Variants in PIWIL4 observed in about 807,000 individuals in gnomAD.
PIWIL4 encodes piwi like RNA-mediated gene silencing 4.
Under a neutral mutation model 100.9 loss-of-function variants are expected in PIWIL4, and 50 were observed. The ratio of observed to expected loss-of-function variants is 0.50; its 90% confidence interval spans 0.39 to 0.63. PIWIL4 has a LOEUF of 0.63. PIWIL4 is among the 20% of genes least tolerant of loss of function. The pLI is 0.00. For synonymous variants in PIWIL4, 342 were observed against 367.5 expected, an observed-to-expected ratio of 0.93 and a Z score of 0.79; for missense variants, 887 against 1,043.3, an observed-to-expected ratio of 0.85 and a Z score of 2.06.
rs149372122 is a variant in PIWIL4, at chr11:94,589,192, G to A, written c.986G>A (p.Arg329Gln). ...AAGCCCACACACACCTTTCAGAAGC[G>A]GGATGGCACCGAGATCACCTATGTG... ...SVKPTHTFQK[R>Q]DGTEITYVDY... The change falls in exon 8 of 20, where the codon CGG becomes CAG. Residue 329 changes from arginine (R) to glutamine (Q), a missense_variant. Arg to Gln is a conservative substitution (Grantham distance 43). Around this residue, in one of 2 missense-constraint regions of PIWIL4, gnomAD observed 741 missense variants for 930.0 expected, o/e 0.80. Coordinates refer to ENST00000299001, the MANE Select transcript of PIWIL4 (RefSeq NM_152431.3). The A allele has an allele frequency of 2.3e-3, 3,731 of 1,611,674 alleles. 21 individuals are homozygous for A. The Middle Eastern group carries it at 0.03, about 13-fold the overall frequency.
chr11:94,604,208 C>A, intron 13 of PIWIL4, 152 bp downstream of exon 13: 1 of 460,388 alleles, frequency 2.2e-6, no homozygotes, highest in Non-Finnish European at 3.8e-6. Context: ...GTATTTTAAT[C>A]AATATTTTAT....
chr11:94,568,601 G>GT (rs1327284538), intron 1 of PIWIL4, 129 bp from the exon 2 acceptor site: 4 of 671,350 alleles, frequency 6.0e-6, no homozygotes, highest in Non-Finnish European at 7.9e-6. Context: ...TCTCTCAAGG[G>GT]TTTTACCTGT....
intron 8 of PIWIL4, among the ~76,000 whole-genome samples, chr11:94,592,731 G>C (rs1374944448): frequency 6.6e-6 from 1 of 152,218 alleles, no homozygotes; most frequent in Middle Eastern, 3.2e-3. Context: ...ATGGAAATGA[G>C]TGTTCATTGT....
chr11:94,567,628 A>G (rs1322405549), intron 1 of PIWIL4, 23 bp downstream of exon 1: 2 of 1,568,652 alleles, frequency 1.3e-6, no homozygotes, highest in Admixed American at 1.8e-5. Context: ...CTTATTGCGC[A>G]TGGTTTCGTT....
In PIWIL4 at chr11:94,589,633, C is replaced by G. The variant is rs570865384; in HGVS notation, c.1026+401C>G. The stretch of plus-strand genomic sequence containing the variant: ...CCTTCCCTGGCTCTGATGTAATTGC[C>G]TCTTGTGATTCCATGACTCAGTTTC... On this transcript the variant is annotated intron_variant, in intron 8 of 19. Transcript: ENST00000299001. 4.6e-5 allele frequency among the ~76,000 whole-genome samples: 7 copies of G among 152,274 alleles called. No homozygotes were observed. The South Asian group carries it at 1.5e-3, about 32-fold the overall frequency.
At chr11:94,569,476 T>G (rs1948118488) in intron 2 of PIWIL4, among the ~76,000 whole-genome samples, 1 of 152,172 alleles carries the variant, frequency 6.6e-6, no homozygotes, top group Non-Finnish European at 1.5e-5. Flanking sequence ...CCTCCCAGGT[T>G]CAAGTGATTC....
intron 15 of PIWIL4, among the ~76,000 whole-genome samples, 153 bp downstream of exon 15, chr11:94,608,839 GTGAT>G (rs1323170993): frequency 9.8e-5 from 15 of 152,306 alleles, no homozygotes; most frequent in African/African-American, 3.4e-4. Flanking sequence ...ATATAAAAAT[GTGAT>G]TGATAATATT....
intron 7 of PIWIL4, among the ~76,000 whole-genome samples, 189 bp from the exon 8 acceptor site, chr11:94,588,932 A>C (rs1172694278): frequency 6.6e-6 from 1 of 152,202 alleles, no homozygotes; most frequent in Admixed American, 6.5e-5. Flanking sequence ...CCTGTATAGG[A>C]AATTATTAAG....
chr11:94,568,394 G>T (rs1948105138), intron 1 of PIWIL4, among the ~76,000 whole-genome samples: 1 of 152,110 alleles, frequency 6.6e-6, no homozygotes, highest in African/African-American at 2.4e-5. Flanking sequence ...ATGTCCGTGG[G>T]CTATGGAAGC....
intron 4 of PIWIL4, 57 bp from the exon 5 acceptor site, chr11:94,583,391 A>T: frequency 6.3e-7 from 1 of 1,585,438 alleles, no homozygotes; most frequent in Non-Finnish European, 8.6e-7. Flanking sequence ...TATAATCTGC[A>T]TTCTGCACAC....
At position 94,589,886 on chromosome 11, in the gene PIWIL4, T is replaced by A. The variant is rs78522677; in HGVS notation, c.1026+654T>A. On this transcript the variant is annotated intron_variant, in intron 8 of 19. Coordinates refer to ENST00000299001, the MANE Select transcript of PIWIL4 (RefSeq NM_152431.3). ...GGGGAGGGGGCTCCTTGTTTTTGGA[T>A]TCCCAGGACTAGCTCAGTGCTTTGC... Among the ~76,000 whole-genome samples the A allele has an allele frequency of 7.7e-3, 1,178 of 152,236 alleles. 2 individuals are homozygous for A. The highest frequency in any genetic ancestry group is 0.027 in the Middle Eastern group (8 of 294).
chr11:94,601,665 T>A (rs1948644225), intron 11 of PIWIL4, 130 bp from the exon 12 acceptor site: 7 of 870,216 alleles, frequency 8.0e-6, no homozygotes, highest in South Asian at 1.4e-5. Flanking sequence ...TGCCTGCATC[T>A]GTGTTTTAAG....
chr11:94,587,077 T>G lies in PIWIL4; in HGVS notation c.744T>G (p.Ile248Met). The change falls in exon 7 of 20, where the codon ATT becomes ATG. Residue 248 changes from isoleucine (I) to methionine (M), a missense_variant. Ile to Met is a conservative substitution (Grantham distance 10, BLOSUM62 1). This residue lies in a region of PIWIL4 where 741 missense variants were observed against 930.0 expected (regional missense o/e 0.80). Coordinates refer to ENST00000299001, the MANE Select transcript of PIWIL4 (RefSeq NM_152431.3). ...HKLSLWPGFA[I>M]SVSYFERKLL... Reference sequence around the variant, plus strand: ...TATCCCTTTGGCCTGGGTTTGCCATTTCTGTGTCATATTTTGAAAGGAAGC... The same window carrying G: ...TATCCCTTTGGCCTGGGTTTGCCATGTCTGTGTCATATTTTGAAAGGAAGC... The G allele has an allele frequency of 6.2e-7, 1 of 1,613,700 alleles. No homozygotes were observed. The highest frequency in any genetic ancestry group is 8.5e-7 in the Non-Finnish European group (1 of 1,179,674).
At position 94,593,632 on chromosome 11, in the gene PIWIL4, T is replaced by C. The variant is rs148862743; in HGVS notation, c.1141T>C (p.Phe381Leu). The change falls in exon 9 of 20, where the codon TTT becomes CTT. Residue 381 changes from phenylalanine (F) to leucine (L), a missense_variant. Coordinates refer to ENST00000299001, the MANE Select transcript of PIWIL4 (RefSeq NM_152431.3). The part of the protein sequence containing the change: ...QLAHLIPELC[F>L]LTGLTDQATS... Reference sequence around the variant, plus strand: ...CGCCCACCTGATACCTGAGCTCTGCTTTCTAACAGGTAATGTTTGTGTTTT... The same window carrying C: ...CGCCCACCTGATACCTGAGCTCTGCCTTCTAACAGGTAATGTTTGTGTTTT... 3.8e-5 allele frequency: 62 copies of C among 1,613,764 alleles called. No individual in the cohort carries two copies. Among genetic ancestry groups the C allele is most frequent in the Non-Finnish European group, 5.2e-5 (61 of 1,179,838 alleles).
rs370370654 is a variant in PIWIL4 at position 94,599,166 on chromosome 11, G to T, written c.1380+1251G>T. Among the ~76,000 whole-genome samples, 6 of 152,336 alleles carry T rather than the reference G, an allele frequency of 3.9e-5. No homozygotes were observed. The South Asian group carries it at 1.0e-3, about 26-fold the overall frequency. Reference sequence around the variant, plus strand: ...CTTGGCGAGAGTTCAGTAAAGAGAAGCTCAGTTTCAGATCCACATGTGAAG... The same window carrying T: ...CTTGGCGAGAGTTCAGTAAAGAGAATCTCAGTTTCAGATCCACATGTGAAG... On this transcript the variant is annotated intron_variant, in intron 11 of 19. Transcript: ENST00000299001.
chr11:94,616,401 C>A, intron 15 of PIWIL4, 92 bp from the exon 16 acceptor site: 1 of 1,114,124 alleles, frequency 9.0e-7, no homozygotes, highest in Non-Finnish European at 1.3e-6. Context: ...GATTTTTACT[C>A]ATAATCTCTG....
chr11:94,609,956 A>G (rs1305833522), intron 15 of PIWIL4, among the ~76,000 whole-genome samples: 1 of 152,078 alleles, frequency 6.6e-6, no homozygotes, highest in East Asian at 1.9e-4. Context: ...AATTAACTAT[A>G]CTCAACATGC....
At chr11:94,580,576 A>G (rs1178356764) in intron 4 of PIWIL4, among the ~76,000 whole-genome samples, 2 of 152,232 alleles carry the variant, frequency 1.3e-5, no homozygotes, top group African/African-American at 4.8e-5. Context: ...TGTTGCGACC[A>G]TGGAGCAAAC....
rs1591772809 is a variant in PIWIL4, at chr11:94,571,909, A to T, written c.167-3090A>T. 2.0e-5 allele frequency among the ~76,000 whole-genome samples: 3 copies of T among 152,224 alleles called. No homozygotes were observed. The East Asian group carries it at 5.8e-4, about 29-fold the overall frequency. On this transcript the variant is annotated intron_variant, in intron 2 of 19. Transcript: ENST00000299001. Reference sequence around the variant, plus strand: ...TAGTGTACAGTCCCACCAACAGTGTAAAAGTGTTCCTATATTTCCCCACAT... The same window carrying T: ...TAGTGTACAGTCCCACCAACAGTGTTAAAGTGTTCCTATATTTCCCCACAT...
Sources: allele counts gnomAD v4.1 joint callset (sites outside exome capture counted in the v4.1 genomes callset), GRCh38; gene constraint gnomAD v4.1.1; regional missense constraint gnomAD v4.1.1; transcripts MANE v1.5; gene names NCBI Gene and HGNC (gene_info 2026-07-23, HGNC 2026-07-21).